PTPRT: variants seen among roughly 807,000 people sequenced by gnomAD.
PTPRT encodes the protein receptor-type tyrosine-protein phosphatase T.
Under a neutral mutation model 176.8 loss-of-function variants are expected in PTPRT, and 56 were observed. The observed-to-expected ratio is 0.32, with a 90% CI of 0.26 to 0.40. PTPRT has a LOEUF of 0.40. PTPRT is among the 10% of genes least tolerant of loss of function. PTPRT has a pLI of 1.00. For missense variants in PTPRT, 1,540 were observed against 1,908.2 expected, an observed-to-expected ratio of 0.81 and a Z score of 3.60; for synonymous variants, 783 against 739.0, an observed-to-expected ratio of 1.06 and a Z score of -0.96.
At chr20:42,154,843 G>T (rs1020866063) in intron 17 of PTPRT, among the ~76,000 whole-genome samples, 1 of 152,176 alleles carries the variant, frequency 6.6e-6, no homozygotes, top group African/African-American at 2.4e-5. Context: ...ACAGGGGAAG[G>T]TGGGAGAACT....
intron 1 of PTPRT, among the ~76,000 whole-genome samples, chr20:42,996,744 G>A (rs1984243295): frequency 1.3e-5 from 2 of 152,180 alleles, no homozygotes; most frequent in South Asian, 4.1e-4. Context: ...GTCAAGTGTG[G>A]AGACTCCAGA....
At chr20:42,354,092 C>G (rs780649464) in intron 9 of PTPRT, among the ~76,000 whole-genome samples, 4 of 152,030 alleles carry the variant, frequency 2.6e-5, no homozygotes, top group Non-Finnish European at 4.4e-5. Context: ...GTATAATATA[C>G]ATACAGAAAA....
intron 1 of PTPRT, among the ~76,000 whole-genome samples, chr20:43,015,568 T>G (rs1010514097): frequency 1.4e-4 from 22 of 152,294 alleles, no homozygotes; most frequent in Admixed American, 2.6e-4. Flanking sequence ...GGGATGGGCA[T>G]GAACATACAC....
chr20:42,888,809 C>T (rs1185004714), intron 1 of PTPRT, among the ~76,000 whole-genome samples: 1 of 152,136 alleles, frequency 6.6e-6, no homozygotes, highest in Non-Finnish European at 1.5e-5. Context: ...AGATATGATC[C>T]TTACCCTCAC....
chr20:42,469,597 G>A (rs1391711484), intron 8 of PTPRT, among the ~76,000 whole-genome samples: 5 of 152,160 alleles, frequency 3.3e-5, no homozygotes, highest in Admixed American at 3.3e-4. Context: ...TTGTCTGACA[G>A]CGCACAATTC....
In PTPRT at chr20:42,372,186, C is replaced by T. The variant is rs1341961681; in HGVS notation, c.1561-19901G>A. Reference sequence around the variant, plus strand: ...GGCTATGTTTCCAAGTGAAGGGAGACAATTAAAGACAGAGGAGCAAGACAG... The same window carrying T: ...GGCTATGTTTCCAAGTGAAGGGAGATAATTAAAGACAGAGGAGCAAGACAG... On this transcript the variant is annotated intron_variant, in intron 9 of 30. Coordinates refer to ENST00000373187, the MANE Select transcript of PTPRT (RefSeq NM_007050.6). 5.3e-5 allele frequency among the ~76,000 whole-genome samples: 8 copies of T among 149,984 alleles called. No individual in the cohort carries two copies. The East Asian group carries it at 1.4e-3, about 26-fold the overall frequency.
At chr20:42,522,720 C>T (rs866779620) in intron 7 of PTPRT, among the ~76,000 whole-genome samples, 12 of 152,116 alleles carry the variant, frequency 7.9e-5, no homozygotes, top group Non-Finnish European at 1.6e-4. Flanking sequence ...CTTGGCCTCC[C>T]GAAGTGCTGG....
chr20:42,445,973 GTTTC>G (rs1449337688), intron 9 of PTPRT, among the ~76,000 whole-genome samples: 1 of 152,084 alleles, frequency 6.6e-6, no homozygotes, highest in Non-Finnish European at 1.5e-5. Context: ...CTCTCCCTCT[GTTTC>G]TTTCTTCTTG....
At chr20:42,517,824 T>A (rs1242509109) in intron 7 of PTPRT, among the ~76,000 whole-genome samples, 1 of 152,022 alleles carries the variant, frequency 6.6e-6, no homozygotes, top group Admixed American at 6.6e-5. Context: ...ATGTTAATTA[T>A]AAACAAGGAA....
In PTPRT at chr20:42,711,732, C is replaced by G. The variant is rs60641085; in HGVS notation, c.860-33573G>C. Among the ~76,000 whole-genome samples, 749 of 151,878 alleles carry G rather than the reference C, an allele frequency of 4.9e-3. 8 individuals are homozygous for G. Among genetic ancestry groups the G allele is most frequent in the African/African-American group, 0.018 (729 of 41,428 alleles). ...CTATCCAAATGCCAAGGAATATGAA[C>G]AAATTGAACTTTTTTTTTTCTAGCC... On this transcript the variant is annotated intron_variant, in intron 6 of 30. Transcript: ENST00000373187.
At chr20:42,500,877 A>C (rs2071739612) in intron 7 of PTPRT, among the ~76,000 whole-genome samples, 1 of 152,186 alleles carries the variant, frequency 6.6e-6, no homozygotes, top group Admixed American at 6.5e-5. Context: ...TAATTACATT[A>C]ATGTATTTTC....
At chr20:42,160,466 G>T (rs1170127121) in intron 17 of PTPRT, among the ~76,000 whole-genome samples, 1 of 136,034 alleles carries the variant, frequency 7.4e-6, no homozygotes, top group East Asian at 2.5e-4. Flanking sequence ...GTGAGATAAA[G>T]AAAGCTAAAT....
chr20:42,391,513 T>G (rs1026454949), intron 9 of PTPRT, among the ~76,000 whole-genome samples: 2 of 152,104 alleles, frequency 1.3e-5, no homozygotes, highest in African/African-American at 4.8e-5. Flanking sequence ...CCAGGGCACC[T>G]CAGGCCTGGA....
At chr20:42,800,901 C>G (rs1420331302) in intron 2 of PTPRT, among the ~76,000 whole-genome samples, 1 of 152,090 alleles carries the variant, frequency 6.6e-6, no homozygotes, top group African/African-American at 2.4e-5. Flanking sequence ...CTACCCTTCC[C>G]CTCACCTGAG....
intron 5 of PTPRT, among the ~76,000 whole-genome samples, chr20:42,769,824 C>T (rs951011328): frequency 6.6e-6 from 1 of 152,162 alleles, no homozygotes; most frequent in Non-Finnish European, 1.5e-5. Flanking sequence ...CACACAACAA[C>T]ATAAGTAATC....
At chr20:42,321,053 T>C (rs574700042) in intron 11 of PTPRT, among the ~76,000 whole-genome samples, 1 of 152,278 alleles carries the variant, frequency 6.6e-6, no homozygotes, top group East Asian at 1.9e-4. Flanking sequence ...AATGACCATA[T>C]GAGACTTGTG....
intron 9 of PTPRT, among the ~76,000 whole-genome samples, chr20:42,398,980 T>C (rs1172715826): frequency 3.3e-5 from 5 of 152,190 alleles, no homozygotes; most frequent in Non-Finnish European, 7.4e-5. Context: ...ATTCTCTTCA[T>C]TTAATTTCTC....
At chr20:42,373,279 T>A (rs2058610867) in intron 9 of PTPRT, among the ~76,000 whole-genome samples, 1 of 152,204 alleles carries the variant, frequency 6.6e-6, no homozygotes, top group Non-Finnish European at 1.5e-5. Context: ...CTGGCTTCTG[T>A]TCAAAGAGTG....
At chr20:42,509,997 C>A (rs1166224122) in intron 7 of PTPRT, among the ~76,000 whole-genome samples, 3 of 152,076 alleles carry the variant, frequency 2.0e-5, no homozygotes, top group Non-Finnish European at 4.4e-5. Context: ...GACATGTCAC[C>A]TCACCTGAAT....
Sources: allele counts gnomAD v4.1 joint callset (sites outside exome capture counted in the v4.1 genomes callset), GRCh38; gene constraint gnomAD v4.1.1; transcripts MANE v1.5; gene names NCBI Gene and HGNC (gene_info 2026-07-23, HGNC 2026-07-21).